Variants in GIPC2 observed in about 807,000 individuals in gnomAD.
GIPC2 encodes GIPC PDZ domain containing family member 2.
Under a neutral mutation model 30.6 loss-of-function variants are expected in GIPC2, and 30 were observed. The ratio of observed to expected loss-of-function variants is 0.98; its 90% CI spans 0.73 to 1.33. The LOEUF (loss-of-function observed/expected upper bound fraction) is 1.33. Among genes scored for constraint, GIPC2 ranks in the 40% most tolerant of loss-of-function variants. GIPC2 has a pLI of 0.00. For synonymous variants in GIPC2, 167 were observed against 150.0 expected (o/e 1.11, Z -0.83); for missense variants, 414 against 390.3 (o/e 1.06, Z -0.51).
chr1:78,137,575 T>A lies in GIPC2; in HGVS notation c.*1832T>A, dbSNP rs894600725. 1 of 152,188 alleles carries A rather than the reference T, an allele frequency of 6.6e-6. No individual in the cohort carries two copies. The highest frequency in any genetic ancestry group is 1.5e-5 in the Non-Finnish European group (1 of 68,016). 9.4% of individuals were successfully genotyped at this position (152,188 alleles called of 1,614,324 possible). ...CAATGATCTTTCTAGAATTTGTGTG[T>A]AAGGTTGTGATATCCATGTACAGCT... On this transcript the variant is annotated 3_prime_UTR_variant, in exon 6 of 6. Transcript: ENST00000370759.
At chr1:78,065,895 C>G (rs1428374336) in intron 1 of GIPC2, among the ~76,000 whole-genome samples, 1 of 152,064 alleles carries the variant, frequency 6.6e-6, no homozygotes, top group Non-Finnish European at 1.5e-5. Flanking sequence ...AAAATTAAAT[C>G]AAGATGGATT....
In GIPC2 at chr1:78,045,994, T is replaced by C. The variant is rs1661059462; in HGVS notation, c.-101T>C. The C allele has an allele frequency of 4.3e-6, 6 of 1,383,910 alleles. No homozygotes were observed. Among genetic ancestry groups the C allele is most frequent in the Admixed American group, 7.8e-5 (2 of 25,652 alleles). 85.7% of individuals were successfully genotyped at this position (1,383,910 alleles called of 1,614,324 possible). On this transcript the variant is annotated 5_prime_UTR_variant, in exon 1 of 6. Transcript: ENST00000370759. ...CGGAAGCGCGGCTGCCATTGGAGGC[T>C]GCTTTTACCTGCGCGGGGCCCGGGG...
At chr1:78,134,008 C>T (rs189533560) in intron 5 of GIPC2, among the ~76,000 whole-genome samples, 1 of 152,194 alleles carries the variant, frequency 6.6e-6, no homozygotes, top group Admixed American at 6.5e-5. Flanking sequence ...TTTGCCTGCT[C>T]TAGCCCTGGA....
chr1:78,052,299 G>T (rs1324970479), intron 1 of GIPC2, among the ~76,000 whole-genome samples: 2 of 152,016 alleles, frequency 1.3e-5, no homozygotes, highest in Non-Finnish European at 2.9e-5. Flanking sequence ...AACTTATTTT[G>T]TTTATGGTCT....
At chr1:78,111,972 C>A (rs767320491) in intron 3 of GIPC2, among the ~76,000 whole-genome samples, 9 of 152,162 alleles carry the variant, frequency 5.9e-5, no homozygotes, top group Non-Finnish European at 7.3e-5. Context: ...TATCAGTGAT[C>A]AGAATGCAAT....
At position 78,106,560 on chromosome 1, in the gene GIPC2, A is replaced by AAAAAC. The variant is rs372627588; in HGVS notation, c.607+11453_607+11457dup. ...GGGCAACAGAGCAAGACTCCATCTC[A>AAAAAC]AAAACAAAACAAAACAAAACAAAAC... On this transcript the variant is annotated intron_variant, in intron 3 of 5. Transcript: ENST00000370759. 3.0e-4 allele frequency among the ~76,000 whole-genome samples: 45 copies of AAAAAC among 152,334 alleles called. 1 individual carries two copies. Among genetic ancestry groups the AAAAAC allele is most frequent in the Admixed American group, 1.2e-3 (19 of 15,310 alleles).
intron 3 of GIPC2, among the ~76,000 whole-genome samples, chr1:78,114,719 G>A (rs599417): frequency 0.22 from 33,067 of 152,054 alleles, 4,061 homozygotes; most frequent in East Asian, 0.61. Context: ...TGCTACAATG[G>A]TGGATATATA....
In GIPC2 at chr1:78,072,175, G is replaced by T. The variant is rs539809537; in HGVS notation, c.241-8500G>T. ...ATAAAATTGTTGTTGATAATTAAAT[G>T]AGGTAACATATGAAAGTAGCTGGTA... is the stretch of plus-strand genomic sequence containing the variant. On this transcript the variant is annotated intron_variant, in intron 1 of 5. Coordinates refer to ENST00000370759, the MANE Select transcript of GIPC2 (RefSeq NM_017655.6). Among the ~76,000 whole-genome samples, 5 of 152,294 alleles carry T rather than the reference G, an allele frequency of 3.3e-5. No homozygotes were observed. The East Asian group carries it at 9.6e-4, about 29-fold the overall frequency.
intron 5 of GIPC2, among the ~76,000 whole-genome samples, chr1:78,129,863 A>G (rs896430363): frequency 6.6e-6 from 1 of 152,218 alleles, no homozygotes; most frequent in African/African-American, 2.4e-5. Context: ...GAGATCATCC[A>G]AGCAACTTCA....
chr1:78,069,532 G>A (rs1661579244), intron 1 of GIPC2, among the ~76,000 whole-genome samples: 1 of 147,742 alleles, frequency 6.8e-6, no homozygotes, highest in African/African-American at 2.5e-5. Context: ...GGAGTGCAGT[G>A]GTACAATCTT....
At chr1:78,105,758 A>G (rs1056076422) in intron 3 of GIPC2, among the ~76,000 whole-genome samples, 1 of 152,240 alleles carries the variant, frequency 6.6e-6, no homozygotes, top group African/African-American at 2.4e-5. Flanking sequence ...TAGTATGACT[A>G]TAATGTTATT....
At position 78,121,094 on chromosome 1, in the gene GIPC2, A is replaced by T. The variant is rs1394642551; in HGVS notation, c.714+1595A>T. Among the ~76,000 whole-genome samples the T allele has an allele frequency of 3.9e-5, 6 of 152,334 alleles. No individual in the cohort carries two copies. In the East Asian group the frequency reaches 9.6e-4, roughly 24 times the overall value. On this transcript the variant is annotated intron_variant, in intron 4 of 5. Coordinates refer to ENST00000370759, the MANE Select transcript of GIPC2 (RefSeq NM_017655.6). The stretch of plus-strand genomic sequence containing the variant: ...GAAAAGCAAGGATTTTTCCCTTTGA[A>T]TGACTTTGTCTATATATAGGTCAGT...
At chr1:78,129,354 ATTTAC>A (rs1270755448) in intron 5 of GIPC2, among the ~76,000 whole-genome samples, 2 of 152,232 alleles carry the variant, frequency 1.3e-5, no homozygotes, top group African/African-American at 4.8e-5. Flanking sequence ...AGACAAATAT[ATTTAC>A]TTGTATAAAT....
intron 1 of GIPC2, among the ~76,000 whole-genome samples, chr1:78,063,110 A>C (rs972316488): frequency 2.0e-5 from 3 of 152,214 alleles, no homozygotes; most frequent in Non-Finnish European, 4.4e-5. Flanking sequence ...GATTTTAAAC[A>C]ATGTTTTCTA....
chr1:78,057,094 A>T (rs1661311454), intron 1 of GIPC2, among the ~76,000 whole-genome samples: 1 of 152,224 alleles, frequency 6.6e-6, no homozygotes, highest in South Asian at 2.1e-4. Flanking sequence ...CGATGAGACA[A>T]TATCAAAAGT....
At chr1:78,055,860 A>G (rs930899031) in intron 1 of GIPC2, among the ~76,000 whole-genome samples, 1 of 152,192 alleles carries the variant, frequency 6.6e-6, no homozygotes, top group Non-Finnish European at 1.5e-5. Context: ...ATTCTGAGAC[A>G]TCTTGATTTA....
At position 78,119,499 on chromosome 1, in the gene GIPC2, G is replaced by A; in HGVS notation, c.714G>A (p.Met238Ile). ...AAGGTCCTGCCACCGTGGAAGAAAT[G>A]GTATGTTATGTTCATTTACTTCCTG... Reference protein sequence around the residue: ...RSKGPATVEEMPSETKAKAIE... With the variant: ...RSKGPATVEEIPSETKAKAIE... The change falls in exon 4 of 6, where the codon ATG (methionine) becomes ATA (isoleucine). Residue 238 changes from methionine to isoleucine, a missense_variant and splice_region_variant. Physicochemically the swap from Met to Ile is conservative, Grantham distance 10. Transcript: ENST00000370759. 2 of 1,558,400 alleles carry A rather than the reference G, an allele frequency of 1.3e-6. No individual in the cohort carries two copies. Among genetic ancestry groups the A allele is most frequent in the South Asian group, 1.1e-5 (1 of 89,618 alleles).
intron 1 of GIPC2, among the ~76,000 whole-genome samples, chr1:78,049,283 TG>T (rs1557524155): frequency 6.6e-6 from 1 of 152,204 alleles, no homozygotes; most frequent in Non-Finnish European, 1.5e-5. Context: ...TGCCTCAGCT[TG>T]CCTAATAGCT....
chr1:78,106,880 T>G (rs1662363461), intron 3 of GIPC2, among the ~76,000 whole-genome samples: 1 of 151,986 alleles, frequency 6.6e-6, no homozygotes, highest in East Asian at 1.9e-4. Context: ...TTCTCCATGT[T>G]GGTCAGGCTG....
Sources: allele counts gnomAD v4.1 joint callset (sites outside exome capture counted in the v4.1 genomes callset), GRCh38; gene constraint gnomAD v4.1.1; transcripts MANE v1.5; gene names NCBI Gene and HGNC (gene_info 2026-07-23, HGNC 2026-07-21).